Variants in XKR9 observed in about 807,000 individuals in gnomAD.
XKR9 encodes XK related 9, also known as XK-related protein 9.
A neutral mutation model predicts 32.0 loss-of-function variants in XKR9; 32 were observed. The observed-to-expected ratio is 1.00, with a 90% CI of 0.76 to 1.34. XKR9 has a LOEUF of 1.34. XKR9 is among the 40% of genes most tolerant of loss of function. The probability of loss-of-function intolerance (pLI) is 0.00; values close to 1 mark genes in which losing one functional copy is unlikely to be tolerated. For synonymous variants in XKR9, 168 were observed against 143.4 expected, an observed-to-expected ratio of 1.17 and a Z score of -1.22; for missense variants, 546 against 429.7, an observed-to-expected ratio of 1.27 and a Z score of -2.39.
the XKR9 span, among the ~76,000 whole-genome samples, chr8:70,975,757 A>T: frequency 6.6e-6 from 1 of 152,130 alleles, no homozygotes; most frequent in Non-Finnish European, 1.5e-5. Flanking sequence ...ACTTTAAAGT[A>T]GTTTTTTCCA....
chr8:70,955,950 G>A, the XKR9 span, among the ~76,000 whole-genome samples: 29 of 152,188 alleles, frequency 1.9e-4, no homozygotes, highest in Non-Finnish European at 3.1e-4. Context: ...TGAGGGGGAC[G>A]TGGTGGCACC....
At chr8:70,864,147 A>G in the XKR9 span, among the ~76,000 whole-genome samples, 2 of 152,222 alleles carry the variant, frequency 1.3e-5, no homozygotes, top group Non-Finnish European at 2.9e-5. Flanking sequence ...CTCATTTATA[A>G]TCTCTACATT....
At chr8:70,677,088 T>C (rs577685250) in intron 2 of XKR9, among the ~76,000 whole-genome samples, 1 of 151,510 alleles carries the variant, frequency 6.6e-6, no homozygotes, top group African/African-American at 2.4e-5. Context: ...GACTATAAAG[T>C]TTTCCTGAGA....
chr8:70,681,776 C>A (rs1819092310), intron 3 of XKR9, among the ~76,000 whole-genome samples: 1 of 151,898 alleles, frequency 6.6e-6, no homozygotes, highest in South Asian at 2.1e-4. Context: ...AGTCATAGAA[C>A]TAAAGCAACC....
chr8:70,805,936 G>A, the XKR9 span, among the ~76,000 whole-genome samples: 6 of 152,138 alleles, frequency 3.9e-5, no homozygotes, highest in East Asian at 1.9e-4. Context: ...CCTGTTCCCC[G>A]TGCCACCAAA....
At chr8:70,681,361 T>C in intron 3 of XKR9, 31 bp downstream of exon 3, 3 of 1,572,710 alleles carry the variant, frequency 1.9e-6, no homozygotes, top group Non-Finnish European at 2.6e-6. Context: ...ATTACCACTG[T>C]TTTTCTTTTT....
chr8:71,017,619 C>A, the XKR9 span, among the ~76,000 whole-genome samples: 4 of 152,176 alleles, frequency 2.6e-5, no homozygotes, highest in Non-Finnish European at 4.4e-5. Context: ...AGTTCTGCAG[C>A]ACAAAATGAT....
intron 4 of XKR9, among the ~76,000 whole-genome samples, chr8:70,715,206 A>C (rs1250004183): frequency 2.0e-5 from 3 of 152,198 alleles, no homozygotes; most frequent in Non-Finnish European, 4.4e-5. Flanking sequence ...ATTGAAGCAA[A>C]TCATGTAAAC....
intron 2 of XKR9, among the ~76,000 whole-genome samples, chr8:70,743,697 T>C (rs763662366): frequency 6.6e-6 from 1 of 152,164 alleles, no homozygotes; most frequent in African/African-American, 2.4e-5. Flanking sequence ...TCCTTTCTGT[T>C]GGTTCTATTT....
intron 2 of XKR9, among the ~76,000 whole-genome samples, chr8:70,787,480 C>T (rs757832292): frequency 1.3e-5 from 2 of 152,066 alleles, no homozygotes; most frequent in Admixed American, 6.6e-5. Context: ...AGTCTAGAAA[C>T]CCAGGACCTG....
chr8:70,779,322 G>A (rs892320940), intron 2 of XKR9, among the ~76,000 whole-genome samples: 1 of 152,164 alleles, frequency 6.6e-6, no homozygotes, highest in African/African-American at 2.4e-5. Context: ...TGGTGGATAA[G>A]CTTTTTGATA....
In XKR9 at chr8:70,782,925, G is replaced by C. The variant is rs376635346; in HGVS notation, n.353-6414G>C. Among the ~76,000 whole-genome samples, 6 of 152,228 alleles carry C rather than the reference G, an allele frequency of 3.9e-5. No individual in the cohort carries two copies. In the East Asian group the frequency reaches 5.8e-4, roughly 15 times the overall value. On this transcript the variant is annotated intron_variant and non_coding_transcript_variant, in intron 2 of 3. Transcript: ENST00000520273. ...CTCTTCTACCAACTGATTTGACCTT[G>C]TTTGGGTAAATACTCAGAAGTGGGA...
At chr8:71,049,431 C>T in the XKR9 span, among the ~76,000 whole-genome samples, 9 of 152,256 alleles carry the variant, frequency 5.9e-5, 1 homozygote, top group South Asian at 2.1e-4. Flanking sequence ...CTCCCTACTA[C>T]GCTATGACAT....
chr8:70,866,784 C>T, the XKR9 span, among the ~76,000 whole-genome samples: 2 of 151,784 alleles, frequency 1.3e-5, no homozygotes, highest in African/African-American at 2.4e-5. Flanking sequence ...CATGCCTGGC[C>T]CTGGAGTATG....
chr8:70,739,908 C>G (rs1806940191), downstream of XKR9, among the ~76,000 whole-genome samples: 1 of 152,100 alleles, frequency 6.6e-6, no homozygotes, highest in African/African-American at 2.4e-5. Flanking sequence ...ACATTTTTTC[C>G]TTCATTTCAA....
At chr8:71,050,236 G>GATATATATAT in the XKR9 span, among the ~76,000 whole-genome samples, 416 of 123,392 alleles carry the variant, frequency 3.4e-3, 1 homozygote, top group Non-Finnish European at 5.4e-3. Flanking sequence ...GCCTGGCAGA[G>GATATATATAT]ATATATATAT....
At chr8:71,031,611 CT>C in the XKR9 span, among the ~76,000 whole-genome samples, 3 of 152,148 alleles carry the variant, frequency 2.0e-5, no homozygotes, top group Non-Finnish European at 1.5e-5. Context: ...AGTAAGGTTA[CT>C]TTTAACTAAG....
the XKR9 span, among the ~76,000 whole-genome samples, chr8:70,885,069 T>A: frequency 6.6e-6 from 1 of 152,194 alleles, no homozygotes; most frequent in Non-Finnish European, 1.5e-5. Context: ...TTTGTAGTTT[T>A]CCTTACACAG....
At chr8:70,914,831 T>C in the XKR9 span, among the ~76,000 whole-genome samples, 2 of 152,378 alleles carry the variant, frequency 1.3e-5, no homozygotes, top group East Asian at 1.9e-4. Context: ...TCTAAAACTA[T>C]GTAATCACCA....
Sources: gnomAD v4.1 joint callset for allele counts (sites outside exome capture counted in the v4.1 genomes callset) on GRCh38, gnomAD v4.1.1 for gene constraint, MANE v1.5 for transcripts, NCBI Gene and HGNC (gene_info 2026-07-23, HGNC 2026-07-21) for gene names.